Variants in NT5C3A observed in about 807,000 individuals in gnomAD.
NT5C3A encodes the protein cytosolic 5'-nucleotidase 3A.
A neutral mutation model predicts 40.0 loss-of-function variants in NT5C3A; 23 were observed. That is an observed-to-expected ratio of 0.58 (90% CI 0.41 to 0.81). NT5C3A has a LOEUF of 0.81. NT5C3A is among the 40% of genes least tolerant of loss of function. The pLI, the probability that NT5C3A is intolerant of heterozygous loss-of-function variation, is 0.00. For synonymous variants in NT5C3A, 130 were observed against 141.4 expected, an observed-to-expected ratio of 0.92 and a Z score of 0.57; for missense variants, 328 against 403.0, an observed-to-expected ratio of 0.81 and a Z score of 1.59.
At chr7:33,061,158 G>A (rs1470107979) in intron 1 of NT5C3A, among the ~76,000 whole-genome samples, 3 of 152,078 alleles carry the variant, frequency 2.0e-5, no homozygotes, top group Non-Finnish European at 4.4e-5. Flanking sequence ...ATGGCAACTC[G>A]GTTTTTTCCC....
chr7:33,060,993 T>C (rs1017541864), intron 1 of NT5C3A, among the ~76,000 whole-genome samples: 1 of 152,254 alleles, frequency 6.6e-6, no homozygotes, highest in African/African-American at 2.4e-5. Context: ...TAAGTTGGTA[T>C]TCTAGATAGG....
chr7:33,040,163 T>C (rs1366418002), intron 1 of NT5C3A, among the ~76,000 whole-genome samples: 2 of 151,968 alleles, frequency 1.3e-5, no homozygotes, highest in Non-Finnish European at 2.9e-5. Context: ...AGGCTGCCAA[T>C]AAAAACTAAG....
intron 1 of NT5C3A, among the ~76,000 whole-genome samples, chr7:33,055,251 G>A (rs1043306188): frequency 4.6e-5 from 7 of 151,952 alleles, no homozygotes; most frequent in Admixed American, 2.0e-4. Context: ...CTTGAACCTG[G>A]GAGGCAGAGG....
At chr7:33,033,931 G>A (rs1050390666) in intron 1 of NT5C3A, among the ~76,000 whole-genome samples, 4 of 145,626 alleles carry the variant, frequency 2.7e-5, no homozygotes, top group East Asian at 2.0e-4. Context: ...TCGCATTGTC[G>A]CCCAGATTGG....
chr7:33,036,493 T>C (rs559227743), intron 1 of NT5C3A: 1 of 169,106 alleles, frequency 5.9e-6, no homozygotes, highest in East Asian at 1.6e-4. Flanking sequence ...GCAAGGGTTT[T>C]ACTCTATCCA....
Position 33,029,683 on chromosome 7 carries a change from GA to G in NT5C3A, c.139-2769del, listed in dbSNP as rs1452090905. The G allele has an allele frequency of 7.0e-6, 9 of 1,289,688 alleles. No individual in the cohort carries two copies. The African/African-American group carries it at 1.4e-4, about 20-fold the overall frequency. The allele number at this position is 1,289,688 out of a possible 1,614,324, so 79.9% of individuals were successfully genotyped here. On this transcript the variant is annotated intron_variant, in intron 1 of 8. Coordinates refer to ENST00000610140, the MANE Select transcript of NT5C3A (RefSeq NM_001002010.5). ...ATAACGGATAGGAGAATCACACCAAGACCACTTCGAAGAAGGCTGGTTTCTG... is the reference window on the plus strand; with the variant it reads ...ATAACGGATAGGAGAATCACACCAAGCCACTTCGAAGAAGGCTGGTTTCTG...
chr7:33,023,919 C>T, intron 3 of NT5C3A, 120 bp downstream of exon 3: 4 of 697,122 alleles, frequency 5.7e-6, no homozygotes, highest in Non-Finnish European at 1.0e-5. Context: ...AAGCAGGTCT[C>T]CTCACTGTCA....
intron 1 of NT5C3A, among the ~76,000 whole-genome samples, chr7:33,053,925 T>C (rs1268878973): frequency 6.6e-6 from 1 of 152,290 alleles, no homozygotes; most frequent in South Asian, 2.1e-4. Flanking sequence ...TGTGGTTAAC[T>C]TGTGGCATAT....
chr7:33,016,537 C>T (rs1346849988), intron 7 of NT5C3A, among the ~76,000 whole-genome samples: 1 of 151,606 alleles, frequency 6.6e-6, no homozygotes, highest in African/African-American at 2.4e-5. Flanking sequence ...GGCTTGGTGG[C>T]ACGCACCTGT....
intron 1 of NT5C3A, among the ~76,000 whole-genome samples, chr7:33,028,535 T>C (rs1786072176): frequency 6.6e-6 from 1 of 152,210 alleles, no homozygotes; most frequent in South Asian, 2.1e-4. Context: ...CTGGATAATC[T>C]TTATTTATAT....
chr7:33,035,970 T>A, intron 1 of NT5C3A: 1 of 1,613,474 alleles, frequency 6.2e-7, no homozygotes, highest in Non-Finnish European at 8.5e-7. Context: ...GATTAGTCAT[T>A]TCTTGGTTAT....
chr7:33,014,530 G>A lies in NT5C3A; in HGVS notation c.*200C>T. Reference sequence around the variant, plus strand: ...TTTTTTTTTTTTAAATGGGTTAAAAGATACGGTGAGGAGTGTGTTGAGAGA... The same window carrying A: ...TTTTTTTTTTTTAAATGGGTTAAAAAATACGGTGAGGAGTGTGTTGAGAGA... On this transcript the variant is annotated 3_prime_UTR_variant, in exon 9 of 9. Coordinates refer to ENST00000610140, the MANE Select transcript of NT5C3A (RefSeq NM_001002010.5). The A allele has an allele frequency of 1.4e-6, 1 of 707,422 alleles. No individual in the cohort carries two copies. The highest frequency in any genetic ancestry group is 2.4e-6 in the Non-Finnish European group (1 of 414,480). The allele number at this position is 707,422 out of a possible 1,614,324, so 43.8% of individuals were successfully genotyped here. A position where few individuals can be genotyped will look rare whatever the true frequency, so the allele number is the denominator to read the frequency against.
intron 1 of NT5C3A, chr7:33,029,465 TTC>T: frequency 5.5e-6 from 2 of 364,878 alleles, no homozygotes; most frequent in Middle Eastern, 4.0e-4. Context: ...GACAACTAAT[TTC>T]TGTTCTTACC....
intron 1 of NT5C3A, among the ~76,000 whole-genome samples, chr7:33,061,736 G>C (rs74870166): frequency 0.024 from 3,577 of 152,068 alleles, 139 homozygotes; most frequent in African/African-American, 0.081. Flanking sequence ...TATAGCACAC[G>C]GTCAGGCGTA....
intron 1 of NT5C3A, among the ~76,000 whole-genome samples, chr7:33,043,845 T>C (rs1478064904): frequency 3.3e-5 from 5 of 152,176 alleles, no homozygotes; most frequent in African/African-American, 1.2e-4. Flanking sequence ...TCAAGCACTT[T>C]CTTGCTTTTT....
intron 1 of NT5C3A, among the ~76,000 whole-genome samples, chr7:33,061,447 G>C (rs561127742): frequency 6.6e-6 from 1 of 152,114 alleles, no homozygotes; most frequent in Non-Finnish European, 1.5e-5. Flanking sequence ...GAGTGCAGTA[G>C]CTATCCACAG....
At chr7:33,051,514 C>T (rs1461023024) in intron 1 of NT5C3A, among the ~76,000 whole-genome samples, 7 of 152,032 alleles carry the variant, frequency 4.6e-5, no homozygotes, top group Non-Finnish European at 8.8e-5. Flanking sequence ...AACTATTTAA[C>T]ATAAAATACA....
At chr7:33,019,844 T>C (rs1004209830) in intron 5 of NT5C3A, 120 bp from the exon 6 acceptor site, 8 of 693,362 alleles carry the variant, frequency 1.2e-5, no homozygotes, top group Middle Eastern at 6.2e-4. Context: ...ATTTAAATTT[T>C]AGAGATTGAA....
At chr7:33,021,120 A>G (rs1167007714) in intron 5 of NT5C3A, 152 bp downstream of exon 5, 13 of 960,402 alleles carry the variant, frequency 1.4e-5, no homozygotes, top group Non-Finnish European at 1.8e-5. Flanking sequence ...GAGATTAGAT[A>G]ATTAGAGCTC....
Sources: gnomAD v4.1 joint callset for allele counts (sites outside exome capture counted in the v4.1 genomes callset) on GRCh38, gnomAD v4.1.1 for gene constraint, MANE v1.5 for transcripts, NCBI Gene and HGNC (gene_info 2026-07-23, HGNC 2026-07-21) for gene names.